MIAT: variants seen among roughly 807,000 people sequenced by gnomAD.
The protein encoded by MIAT is myocardial infarction associated transcript.
At chr22:26,650,707 C>A (rs948794416) in intron 2 of MIAT, among the ~76,000 whole-genome samples, 1 of 152,154 alleles carries the variant, frequency 6.6e-6, no homozygotes, top group Non-Finnish European at 1.5e-5. Context: ...GATGAACAGA[C>A]CCTGGAGTGA....
chr22:26,648,729 A>G (rs1930283616), intron 2 of MIAT, among the ~76,000 whole-genome samples: 1 of 152,212 alleles, frequency 6.6e-6, no homozygotes, highest in East Asian at 1.9e-4. Context: ...GCATCTGCTC[A>G]CGCAGAAAGA....
exon 5 of MIAT, chr22:26,667,235 G>A (rs1322592819): frequency 1.8e-5 from 7 of 398,540 alleles, no homozygotes; most frequent in African/African-American, 6.2e-5. Flanking sequence ...GGGACGCAGA[G>A]GTGAACCCAG....
downstream of MIAT, chr22:26,673,196 A>G (rs1281643766): frequency 2.5e-6 from 1 of 398,630 alleles, no homozygotes; most frequent in African/African-American, 2.1e-5. Context: ...CAGGCCGGCC[A>G]GGAATGCATC....
intron 2 of MIAT, among the ~76,000 whole-genome samples, chr22:26,649,618 TA>T (rs1930301282): frequency 6.6e-6 from 1 of 152,028 alleles, no homozygotes; most frequent in Non-Finnish European, 1.5e-5. Flanking sequence ...CCATAAGAGA[TA>T]AAAGCAGGTG....
downstream of MIAT, chr22:26,673,576 A>G (rs1385092865): frequency 2.5e-6 from 1 of 398,624 alleles, no homozygotes; most frequent in Non-Finnish European, 4.4e-6. Context: ...TCTGACTAAC[A>G]ACAGGTCTAA....
At chr22:26,660,917 T>C (rs1438724333) in intron 2 of MIAT, 2 of 152,138 alleles carry the variant, frequency 1.3e-5, no homozygotes, top group Non-Finnish European at 2.9e-5. Flanking sequence ...GCAATCACAA[T>C]CCCGGTTTTA....
downstream of MIAT, chr22:26,674,513 G>T: frequency 2.5e-6 from 1 of 398,822 alleles, no homozygotes. Context: ...GGTTGCTTGG[G>T]TCGTTGAATG....
intron 2 of MIAT, among the ~76,000 whole-genome samples, chr22:26,651,662 T>C (rs1454274354): frequency 6.6e-6 from 1 of 152,268 alleles, no homozygotes; most frequent in Non-Finnish European, 1.5e-5. Context: ...AGTGGATGAA[T>C]GGATGAATAA....
chr22:26,665,247 AAAAGAAAGAAAGAAAG>A (rs10529015), intron 3 of MIAT, among the ~76,000 whole-genome samples: 2,266 of 144,236 alleles, frequency 0.016, 34 homozygotes, highest in Middle Eastern at 0.056. Flanking sequence ...TCTCCAGAAA[AAAAGAAAGAAAGAAAG>A]AAAGAAAGAA....
exon 4 of MIAT, chr22:26,666,074 T>C (rs1061540): frequency 0.52 from 205,782 of 398,290 alleles, 54,401 homozygotes; most frequent in South Asian, 0.61. Flanking sequence ...TTTCTCAGTG[T>C]AAGTGTCTGA....
exon 5 of MIAT, chr22:26,675,720 A>C: frequency 2.5e-6 from 1 of 398,670 alleles, no homozygotes; most frequent in Non-Finnish European, 4.4e-6. Flanking sequence ...GGGGAAACAC[A>C]GTCATAGGCT....
downstream of MIAT, chr22:26,670,478 T>C (rs888379815): frequency 2.0e-4 from 81 of 398,184 alleles, no homozygotes; most frequent in Non-Finnish European, 5.3e-5. Flanking sequence ...TGCTGCAGTC[T>C]GGAACAGCTT....
chr22:26,664,441 C>G (rs1930775152), intron 3 of MIAT, among the ~76,000 whole-genome samples: 1 of 152,208 alleles, frequency 6.6e-6, no homozygotes, highest in Non-Finnish European at 1.5e-5. Flanking sequence ...GTACAACCTT[C>G]ACCATAAATC....
downstream of MIAT, chr22:26,671,691 TC>T: frequency 2.5e-6 from 1 of 398,640 alleles, no homozygotes; most frequent in Non-Finnish European, 4.4e-6. Context: ...CTCTGCCACT[TC>T]CTGTTGAGTG....
chr22:26,670,113 G>T (rs1395546827), downstream of MIAT: 1 of 395,942 alleles, frequency 2.5e-6, no homozygotes, highest in Non-Finnish European at 4.4e-6. Context: ...TGAACCAGAG[G>T]CATTTCTGAT....
chr22:26,673,238 C>T (rs1297774472), downstream of MIAT: 1 of 398,740 alleles, frequency 2.5e-6, no homozygotes, highest in Non-Finnish European at 4.4e-6. Flanking sequence ...ACGTCACTGC[C>T]TCAGCCAGCC....
exon 5 of MIAT, chr22:26,676,372 A>G (rs1036176961): frequency 2.3e-5 from 9 of 398,536 alleles, no homozygotes; most frequent in Non-Finnish European, 1.3e-5. Flanking sequence ...AGATTTTTAC[A>G]TGGATTCAAC....
At chr22:26,657,354 G>T (rs946418953) in intron 2 of MIAT, 43 of 397,132 alleles carry the variant, frequency 1.1e-4, no homozygotes, top group East Asian at 1.4e-4. Context: ...TCTGGGCGCG[G>T]GTAAGGAGGG....
At chr22:26,668,227 G>C (rs1039336198) in exon 6 of MIAT, 29 of 398,524 alleles carry the variant, frequency 7.3e-5, no homozygotes, top group Non-Finnish European at 1.3e-4. Flanking sequence ...GGTGACCTTG[G>C]ATTCTGGCCA....
Sources: allele counts gnomAD v4.1 joint callset (sites outside exome capture counted in the v4.1 genomes callset), GRCh38; gene constraint gnomAD v4.1.1; transcripts MANE v1.5; gene names NCBI Gene and HGNC (gene_info 2026-07-23, HGNC 2026-07-21).